DOCK5: variants seen among roughly 807,000 people sequenced by gnomAD.
DOCK5 encodes dedicator of cytokinesis 5.
In DOCK5, 142 loss-of-function variants were observed where a neutral mutation model predicts 251.8. The observed-to-expected ratio is 0.56, with a 90% CI of 0.49 to 0.65. The LOEUF is 0.65. Among genes scored for constraint, DOCK5 ranks in the 30% least tolerant of loss-of-function variants. The pLI, the probability that DOCK5 is intolerant of heterozygous loss-of-function variation, is 0.00. For missense variants in DOCK5, 2,111 were observed against 2,312.3 expected, an observed-to-expected ratio of 0.91 and a Z score of 1.79; for synonymous variants, 842 against 835.5, an observed-to-expected ratio of 1.01 and a Z score of -0.13.
intron 1 of DOCK5, among the ~76,000 whole-genome samples, chr8:25,187,292 TAC>T (rs1362035267): frequency 8.1e-5 from 12 of 148,998 alleles, no homozygotes; most frequent in African/African-American, 3.0e-4. Flanking sequence ...TATATGTATA[TAC>T]ATATATATGT....
intron 51 of DOCK5, among the ~76,000 whole-genome samples, chr8:25,410,804 G>A (rs966912617): frequency 1.3e-5 from 2 of 150,796 alleles, no homozygotes; most frequent in African/African-American, 4.9e-5. Flanking sequence ...TACTTCTTCT[G>A]AATAAAGGAC....
chr8:25,271,680 G>T (rs937944281), intron 3 of DOCK5, among the ~76,000 whole-genome samples: 2 of 152,182 alleles, frequency 1.3e-5, no homozygotes, highest in African/African-American at 2.4e-5. Flanking sequence ...TATTGATCCT[G>T]GTGGAATTGT....
intron 47 of DOCK5, 48 bp downstream of exon 47, chr8:25,401,114 C>T: frequency 2.5e-6 from 4 of 1,599,000 alleles, no homozygotes; most frequent in Non-Finnish European, 3.4e-6. Flanking sequence ...GGCTCTGTGA[C>T]CTTTTATGAC....
At chr8:25,354,324 C>A (rs1800528989) in intron 27 of DOCK5, among the ~76,000 whole-genome samples, 3 of 152,052 alleles carry the variant, frequency 2.0e-5, no homozygotes, top group Admixed American at 6.6e-5. Context: ...TATTGCCAAG[C>A]CATTTCTATC....
intron 5 of DOCK5, among the ~76,000 whole-genome samples, chr8:25,289,122 A>C (rs546095156): frequency 2.6e-5 from 4 of 152,284 alleles, no homozygotes; most frequent in Non-Finnish European, 5.9e-5. Flanking sequence ...ACTTTACACC[A>C]AGGCCTCTTT....
rs776485826 is a variant in DOCK5, at chr8:25,366,926, G to T, written c.3180G>T (p.Gln1060His). 5.6e-6 allele frequency: 9 copies of T among 1,613,788 alleles called. No homozygotes were observed. Among genetic ancestry groups the T allele is most frequent in the Non-Finnish European group, 7.6e-6 (9 of 1,179,802 alleles). ...AVAFLTHESL[Q>H]LETFSQAKRN... Reference sequence around the variant, plus strand: ...CATTTCTCACCCATGAGTCCCTTCAGCTTGAAACCTTCTCACAAGCCAAGC... The same window carrying T: ...CATTTCTCACCCATGAGTCCCTTCATCTTGAAACCTTCTCACAAGCCAAGC... Residue 1060 changes from glutamine to histidine, a missense_variant, in exon 31 of 52, where the codon CAG becomes CAT. Gln to His is a conservative substitution (Grantham distance 24, BLOSUM62 0). Coordinates refer to ENST00000276440, the MANE Select transcript of DOCK5 (RefSeq NM_024940.8).
rs1415179230 is a variant in DOCK5, at chr8:25,411,391, G to A, written c.*93G>A. 3.0e-6 allele frequency: 4 copies of A among 1,329,728 alleles called. No homozygotes were observed. The East Asian group carries it at 9.4e-5, about 31-fold the overall frequency. 82.4% of individuals were successfully genotyped at this position (1,329,728 alleles called of 1,614,324 possible). On this transcript the variant is annotated 3_prime_UTR_variant, in exon 52 of 52. Coordinates refer to ENST00000276440, the MANE Select transcript of DOCK5 (RefSeq NM_024940.8). ...GTGTCCTCATTCCATGGGGCTCCCT[G>A]CTGACTGCATTTCCTGATCTGGGAT...
intron 37 of DOCK5, chr8:25,374,998 T>C (rs1800939838): frequency 3.5e-6 from 4 of 1,153,072 alleles, no homozygotes; most frequent in Non-Finnish European, 4.3e-6. Flanking sequence ...GTGAATATAG[T>C]ACCATAGAAG....
At chr8:25,243,334 T>G (rs75525567) in intron 1 of DOCK5, among the ~76,000 whole-genome samples, 1 of 147,200 alleles carries the variant, frequency 6.8e-6, no homozygotes, top group African/African-American at 2.5e-5. Flanking sequence ...CATGCATTCT[T>G]TTTTTTTTTT....
At position 25,408,977 on chromosome 8, in the gene DOCK5, G is replaced by T. The variant is rs1801571338; in HGVS notation, c.5404+37G>T. 1.9e-6 allele frequency: 3 copies of T among 1,613,376 alleles called. No individual in the cohort carries two copies. In the African/African-American group the frequency reaches 4.0e-5, roughly 22 times the overall value. ...TGTATTCCTTATAGTCTTTTTACTA[G>T]GGAATGGAGTATGTTTATGCATCTG... On this transcript the variant is annotated intron_variant, in intron 50 of 51. Transcript: ENST00000276440.
intron 2 of DOCK5, among the ~76,000 whole-genome samples, chr8:25,264,558 G>A (rs1803685673): frequency 6.6e-6 from 1 of 151,826 alleles, no homozygotes; most frequent in Non-Finnish European, 1.5e-5. Flanking sequence ...AGGCACAGTG[G>A]CTCACGCCTG....
rs1563335371 is a variant in DOCK5 at position 25,278,602 on chromosome 8, C to T, written c.258C>T (p.Pro86=). Residue 86 remains proline, a synonymous_variant, in exon 5 of 52, where the codon CCC becomes CCT. Transcript: ENST00000276440. The part of the protein sequence containing the change: ...QHETVIPGEL[P]LVQELTSTLR... ...AAACCGTGATTCCTGGCGAGCTCCC[C>T]CTGGTGCAGGAGCTCACGTCCACTC... is the stretch of plus-strand genomic sequence containing the variant. 1 of 1,613,850 alleles carries T rather than the reference C, an allele frequency of 6.2e-7. No individual in the cohort carries two copies. Among genetic ancestry groups the T allele is most frequent in the Non-Finnish European group, 8.5e-7 (1 of 1,179,886 alleles).
Position 25,410,129 on chromosome 8 carries a change from C to T in DOCK5, c.5435C>T (p.Ala1812Val), listed in dbSNP as rs371858823. 113 of 1,613,388 alleles carry T rather than the reference C, an allele frequency of 7.0e-5. No homozygotes were observed. The highest frequency in any genetic ancestry group is 3.3e-4 in the Middle Eastern group (2 of 6,084). ...SSPSLQTDGIAATPVPPPPPP... is the reference protein window; with the variant it reads ...SSPSLQTDGIVATPVPPPPPP... The stretch of plus-strand genomic sequence containing the variant: ...CCATCGTTGCAGACAGATGGAATCG[C>T]GGCCACTCCTGTCCCACCTCCACCT... Residue 1812 changes from alanine to valine, a missense_variant, in exon 51 of 52, where the codon GCG (alanine) becomes GTG (valine). This residue lies in a region of DOCK5 where 1,717 missense variants were observed against 1,892.4 expected (regional missense o/e 0.91). Coordinates refer to ENST00000276440, the MANE Select transcript of DOCK5 (RefSeq NM_024940.8).
rs112766021 is a variant in DOCK5, at chr8:25,239,705, C to G, written c.44-3969C>G. The stretch of plus-strand genomic sequence containing the variant: ...GAATAGCAGCGGTGGCCCAGTTACC[C>G]ATGAGAAAGTCTAGGAATTGGGAAT... On this transcript the variant is annotated intron_variant, in intron 1 of 51. Coordinates refer to ENST00000276440, the MANE Select transcript of DOCK5 (RefSeq NM_024940.8). Among the ~76,000 whole-genome samples the G allele has an allele frequency of 5.8e-3, 884 of 152,236 alleles. 12 individuals carry two copies. Among genetic ancestry groups the G allele is most frequent in the African/African-American group, 0.02 (846 of 41,538 alleles).
At chr8:25,278,530 C>A in intron 4 of DOCK5, 39 bp from the exon 5 acceptor site, 1 of 1,594,598 alleles carries the variant, frequency 6.3e-7, no homozygotes, top group South Asian at 1.1e-5. Context: ...CAGTGCTGAT[C>A]AGCCTAGAAG....
intron 27 of DOCK5, among the ~76,000 whole-genome samples, chr8:25,358,672 A>G (rs950283277): frequency 6.6e-6 from 1 of 152,186 alleles, no homozygotes; most frequent in African/African-American, 2.4e-5. Flanking sequence ...CCAAAGCCCC[A>G]CAAGTTGTTA....
intron 1 of DOCK5, among the ~76,000 whole-genome samples, chr8:25,222,610 G>A (rs1802423512): frequency 6.6e-6 from 1 of 152,154 alleles, no homozygotes; most frequent in African/African-American, 2.4e-5. Context: ...CATAATTATT[G>A]CCACATTAAC....
At chr8:25,231,865 A>G (rs1802677122) in intron 1 of DOCK5, among the ~76,000 whole-genome samples, 1 of 152,144 alleles carries the variant, frequency 6.6e-6, no homozygotes, top group Non-Finnish European at 1.5e-5. Flanking sequence ...TTTTATTATG[A>G]ATAGAGATCA....
rs111279151 is a variant in DOCK5 at position 25,268,846 on chromosome 8, T to C, written c.129T>C (p.Gly43=). Residue 43 remains glycine, a splice_region_variant and synonymous_variant, in exon 3 of 52, where the codon GGT becomes GGC. Transcript: ENST00000276440. ...DTVHILEMYE[G]WYRGYTLQNK... is the part of the protein sequence containing the mutation. Reference sequence around the variant, plus strand: ...TTGTGTTCTCTTTTGCTCTGACAGGTTGGTACAGAGGATATACCCTCCAAA... The same window carrying C: ...TTGTGTTCTCTTTTGCTCTGACAGGCTGGTACAGAGGATATACCCTCCAAA... The C allele has an allele frequency of 2.1e-4, 335 of 1,575,084 alleles. No individual in the cohort carries two copies. The African/African-American group carries it at 4.3e-3, about 20-fold the overall frequency.
Sources: allele counts gnomAD v4.1 joint callset (sites outside exome capture counted in the v4.1 genomes callset), GRCh38; gene constraint gnomAD v4.1.1; regional missense constraint gnomAD v4.1.1; transcripts MANE v1.5; gene names NCBI Gene and HGNC (gene_info 2026-07-23, HGNC 2026-07-21).